Variants in NTRK3 observed in about 807,000 individuals in gnomAD.
NTRK3 encodes the protein NT-3 growth factor receptor.
In NTRK3, 24 loss-of-function variants were observed where a neutral mutation model predicts 91.7. That is an observed-to-expected ratio of 0.26 (90% CI 0.19 to 0.37). The LOEUF (loss-of-function observed/expected upper bound fraction) is 0.37, where lower values mean the gene tolerates loss of function less well. Among genes scored for constraint, NTRK3 ranks in the 10% least tolerant of loss-of-function variants. The pLI, the probability that NTRK3 is intolerant of heterozygous loss-of-function variation, is 1.00. For missense variants in NTRK3, 880 were observed against 1,068.9 expected (o/e 0.82, Z 2.46); for synonymous variants, 483 against 404.0 (o/e 1.20, Z -2.34).
At chr15:88,105,812 C>G (rs1398833835) in intron 13 of NTRK3, among the ~76,000 whole-genome samples, 1 of 152,110 alleles carries the variant, frequency 6.6e-6, no homozygotes, top group African/African-American at 2.4e-5. Flanking sequence ...AGTCCCTGTG[C>G]CAAATGCTTT....
chr15:87,870,347 A>G (rs888563377), exon 19 of NTRK3: 7 of 197,366 alleles, frequency 3.5e-5, no homozygotes, highest in African/African-American at 1.6e-4. Context: ...AAAACCAAAC[A>G]TCGTACGTTC....
intron 3 of NTRK3, among the ~76,000 whole-genome samples, chr15:88,244,189 T>C (rs571945529): frequency 1.3e-5 from 2 of 152,322 alleles, no homozygotes; most frequent in East Asian, 3.9e-4. Flanking sequence ...GGGTGTGACC[T>C]AACTTCATAT....
chr15:88,128,458 T>C (rs1382594717), intron 11 of NTRK3, among the ~76,000 whole-genome samples: 1 of 152,114 alleles, frequency 6.6e-6, no homozygotes, highest in Non-Finnish European at 1.5e-5. Flanking sequence ...GGTAAAGAGA[T>C]CCACAACATC....
At chr15:87,866,761 C>T (rs144253610) in exon 19 of NTRK3, 2 of 191,664 alleles carry the variant, frequency 1.0e-5, no homozygotes, top group African/African-American at 2.3e-5. Context: ...AAGATATAAA[C>T]CTCTCTGGTG....
intron 17 of NTRK3, among the ~76,000 whole-genome samples, chr15:87,916,081 A>C (rs1300488013): frequency 6.6e-6 from 1 of 152,074 alleles, no homozygotes; most frequent in African/African-American, 2.4e-5. Flanking sequence ...CTTTGTATTG[A>C]CCCAGTCTTC....
At chr15:88,196,330 T>C (rs898783291) in intron 3 of NTRK3, among the ~76,000 whole-genome samples, 4 of 152,064 alleles carry the variant, frequency 2.6e-5, no homozygotes, top group Admixed American at 2.0e-4. Flanking sequence ...CCTGGCCCTC[T>C]CTTTCGTGCA....
intron 18 of NTRK3, among the ~76,000 whole-genome samples, chr15:87,877,351 C>T (rs2141441625): frequency 6.6e-6 from 1 of 152,282 alleles, no homozygotes; most frequent in East Asian, 1.9e-4. Context: ...CTTCATACTC[C>T]ACTTCTTGGG....
At chr15:88,033,947 G>C (rs1421953004) in intron 13 of NTRK3, among the ~76,000 whole-genome samples, 1 of 152,140 alleles carries the variant, frequency 6.6e-6, no homozygotes, top group Non-Finnish European at 1.5e-5. Flanking sequence ...CATCCCCAGA[G>C]GTTCTGATTC....
At chr15:88,197,114 A>AAAAAAAAAAAAAAAC (rs2047901125) in intron 3 of NTRK3, among the ~76,000 whole-genome samples, 1 of 129,400 alleles carries the variant, frequency 7.7e-6, no homozygotes, top group Non-Finnish European at 1.6e-5. Context: ...AAAAAAAAAA[A>AAAAAAAAAAAAAAAC]AAAAAAAAAA....
chr15:87,932,976 T>C (rs758331126), intron 16 of NTRK3, 36 bp downstream of exon 16: 1 of 1,611,964 alleles, frequency 6.2e-7, no homozygotes, highest in Non-Finnish European at 8.5e-7. Flanking sequence ...TCGGTGGGAC[T>C]GGGGTCAGGT....
At chr15:88,141,841 T>C (rs1380631984) in intron 6 of NTRK3, among the ~76,000 whole-genome samples, 2 of 152,196 alleles carry the variant, frequency 1.3e-5, no homozygotes, top group East Asian at 3.9e-4. Flanking sequence ...TTGTACAAAT[T>C]TTCTGCTTCC....
intron 6 of NTRK3, among the ~76,000 whole-genome samples, chr15:88,138,695 C>T (rs2042104700): frequency 6.6e-6 from 1 of 152,350 alleles, no homozygotes; most frequent in South Asian, 2.1e-4. Context: ...ACAAGGCTGG[C>T]TCTCTCAGTC....
In NTRK3 at chr15:88,240,849, G is replaced by A. The variant is rs991999088; in HGVS notation, c.248+15057C>T. Reference sequence around the variant, plus strand: ...GTTTTCTCTAGAAGATTCCTCCAACGGGCTGCCCTGCTAAGGGCAAAGCCC... The same window carrying A: ...GTTTTCTCTAGAAGATTCCTCCAACAGGCTGCCCTGCTAAGGGCAAAGCCC... On this transcript the variant is annotated intron_variant, in intron 3 of 18. Transcript: ENST00000394480. The surrounding 1 kb of genome is among the most constrained non-coding windows in gnomAD (Gnocchi z 4.9). Among the ~76,000 whole-genome samples the A allele has an allele frequency of 5.3e-5, 8 of 152,226 alleles. No individual in the cohort carries two copies. Among genetic ancestry groups the A allele is most frequent in the Admixed American group, 3.9e-4 (6 of 15,284 alleles).
intron 3 of NTRK3, chr15:88,252,413 CA>C (rs1323017158): frequency 2.6e-5 from 4 of 152,136 alleles, no homozygotes; most frequent in Non-Finnish European, 5.9e-5. Context: ...AGAGAGCTGC[CA>C]AATGCCAGGG....
chr15:87,923,190 C>T (rs1369190310), intron 17 of NTRK3, among the ~76,000 whole-genome samples: 1 of 152,164 alleles, frequency 6.6e-6, no homozygotes, highest in Non-Finnish European at 1.5e-5. Context: ...GCAGAGATTG[C>T]CAGCTATGAA....
intron 10 of NTRK3, among the ~76,000 whole-genome samples, chr15:88,130,927 C>G (rs538138179): frequency 6.6e-6 from 1 of 152,024 alleles, no homozygotes; most frequent in Non-Finnish European, 1.5e-5. Flanking sequence ...ATCATTGCAT[C>G]GTGGTTAGGT....
chr15:88,227,730 C>T (rs899703501), intron 3 of NTRK3, among the ~76,000 whole-genome samples: 10 of 152,222 alleles, frequency 6.6e-5, no homozygotes, highest in Non-Finnish European at 1.2e-4. Context: ...ACCAAACCCT[C>T]AGGGGAACAC....
chr15:88,248,795 T>C (rs573150755), intron 3 of NTRK3, among the ~76,000 whole-genome samples: 6 of 152,316 alleles, frequency 3.9e-5, no homozygotes, highest in South Asian at 2.1e-4. Context: ...GTCTAGAACA[T>C]AGTAAGTGTT....
rs4034771 is a variant in NTRK3 at position 88,243,536 on chromosome 15, GCA to G, written c.248+12368_248+12369del. On this transcript the variant is annotated intron_variant, in intron 3 of 18. Transcript: ENST00000394480. This position sits in a 1 kb window ranked among gnomAD's most constrained non-coding sequence, Gnocchi z 4.8. Reference sequence around the variant, plus strand: ...CACTTGATCCCATCCCCCATAGCATGCACACACACACACACACACACACACAC... The same window carrying G: ...CACTTGATCCCATCCCCCATAGCATGCACACACACACACACACACACACAC... 0.035 allele frequency among the ~76,000 whole-genome samples: 5,101 copies of G among 145,800 alleles called. 138 individuals are homozygous for G. The highest frequency in any genetic ancestry group is 0.067 in the East Asian group (331 of 4,976).
Sources: allele counts gnomAD v4.1 joint callset (sites outside exome capture counted in the v4.1 genomes callset), GRCh38; gene constraint gnomAD v4.1.1; non-coding constraint Gnocchi (gnomAD v3.1); transcripts MANE v1.5; gene names NCBI Gene and HGNC (gene_info 2026-07-23, HGNC 2026-07-21).